The following EFNA5 variants were observed in gnomAD, a reference collection of about 807,000 sequenced individuals.
The protein encoded by EFNA5 is ephrin-A5.
A neutral mutation model predicts 22.9 loss-of-function variants in EFNA5; 5 were observed. The ratio of observed to expected loss-of-function variants is 0.22; its 90% CI spans 0.11 to 0.46. EFNA5 has a LOEUF of 0.46. Among genes scored for constraint, EFNA5 ranks in the 20% least tolerant of loss-of-function variants. The pLI, the probability that EFNA5 is intolerant of heterozygous loss-of-function variation, is 0.99. For missense variants in EFNA5, 237 were observed against 293.3 expected (o/e 0.81, Z 1.40); for synonymous variants, 113 against 112.2 (o/e 1.01, Z -0.04).
chr5:107,561,805 C>G lies in EFNA5; in HGVS notation c.125+108684G>C, dbSNP rs113837570. On this transcript the variant is annotated intron_variant, in intron 1 of 4. Transcript: ENST00000333274. Reference sequence around the variant, plus strand: ...GACATTAAGTTCTCCATAAAATATTCTCATCTAATACATTTCTAGTTTATA... The same window carrying G: ...GACATTAAGTTCTCCATAAAATATTGTCATCTAATACATTTCTAGTTTATA... 2.4e-3 allele frequency among the ~76,000 whole-genome samples: 363 copies of G among 152,288 alleles called. 2 individuals are homozygous for G. The highest frequency in any genetic ancestry group is 0.01 in the Middle Eastern group (3 of 294).
chr5:107,635,716 G>T (rs1274498423), intron 1 of EFNA5, among the ~76,000 whole-genome samples: 1 of 152,180 alleles, frequency 6.6e-6, no homozygotes, highest in Non-Finnish European at 1.5e-5. Flanking sequence ...GCCTCACAGT[G>T]AGAGGGTTCA....
intron 1 of EFNA5, among the ~76,000 whole-genome samples, chr5:107,511,546 A>G (rs752895488): frequency 1.3e-5 from 2 of 152,200 alleles, no homozygotes; most frequent in Non-Finnish European, 2.9e-5. Flanking sequence ...TAAAAAATAC[A>G]CTGATTTTGT....
At chr5:107,427,196 G>A (rs547396648) in intron 2 of EFNA5, 21 bp downstream of exon 2, 5 of 1,613,644 alleles carry the variant, frequency 3.1e-6, no homozygotes, top group South Asian at 1.1e-5. Context: ...CCTACAACAC[G>A]ATAAATCTCT....
At chr5:107,561,164 A>G (rs1369137182) in intron 1 of EFNA5, among the ~76,000 whole-genome samples, 1 of 152,178 alleles carries the variant, frequency 6.6e-6, no homozygotes, top group African/African-American at 2.4e-5. Flanking sequence ...TGCACAAGAC[A>G]ACTGAAACCT....
chr5:107,388,838 G>A (rs908498568), intron 2 of EFNA5, among the ~76,000 whole-genome samples: 1 of 152,146 alleles, frequency 6.6e-6, no homozygotes, highest in Non-Finnish European at 1.5e-5. Flanking sequence ...AAGAGGGATC[G>A]GCATTTGGTG....
Position 107,381,206 on chromosome 5 carries a change from G to C in EFNA5, c.*49C>G. On this transcript the variant is annotated 3_prime_UTR_variant, in exon 5 of 5. Coordinates refer to ENST00000333274, the MANE Select transcript of EFNA5 (RefSeq NM_001962.3). ...ATGAGCAGTTAGGTGGATCTCTGGTGTTCCAAGACCCTGATGTTTTCTGTG... is the reference window on the plus strand; with the variant it reads ...ATGAGCAGTTAGGTGGATCTCTGGTCTTCCAAGACCCTGATGTTTTCTGTG... The C allele has an allele frequency of 6.4e-7, 1 of 1,572,828 alleles. No individual in the cohort carries two copies. Among genetic ancestry groups the C allele is most frequent in the African/African-American group, 1.3e-5 (1 of 74,496 alleles).
At chr5:107,626,791 A>AT (rs987238078) in intron 1 of EFNA5, among the ~76,000 whole-genome samples, 7 of 152,134 alleles carry the variant, frequency 4.6e-5, no homozygotes, top group Admixed American at 3.9e-4. Flanking sequence ...TTTGGTTTTG[A>AT]TTTTTTTTAA....
At chr5:107,649,202 G>A (rs1561459826) in intron 1 of EFNA5, among the ~76,000 whole-genome samples, 2 of 152,056 alleles carry the variant, frequency 1.3e-5, no homozygotes, top group Non-Finnish European at 2.9e-5. Flanking sequence ...GAGTCCCAGA[G>A]CAATCGATGA....
At chr5:107,650,850 T>G (rs1156502725) in intron 1 of EFNA5, among the ~76,000 whole-genome samples, 1 of 152,176 alleles carries the variant, frequency 6.6e-6, no homozygotes, top group Non-Finnish European at 1.5e-5. Context: ...CCTAGCAATT[T>G]GGTTGTATAT....
intron 1 of EFNA5, among the ~76,000 whole-genome samples, chr5:107,471,995 G>C (rs1405729533): frequency 6.6e-6 from 1 of 152,182 alleles, no homozygotes; most frequent in Non-Finnish European, 1.5e-5. Context: ...GTTTCAAAGA[G>C]TGCAAATAGC....
intron 1 of EFNA5, among the ~76,000 whole-genome samples, chr5:107,477,331 A>G (rs143193831): frequency 1.5e-3 from 233 of 152,350 alleles, no homozygotes; most frequent in East Asian, 0.012. Context: ...AATCTTTTGA[A>G]TTAAGCAATC....
At chr5:107,414,141 A>G (rs934963756) in intron 2 of EFNA5, among the ~76,000 whole-genome samples, 1 of 152,184 alleles carries the variant, frequency 6.6e-6, no homozygotes, top group African/African-American at 2.4e-5. Flanking sequence ...AGATTCCTAC[A>G]TTGCAACCTC....
intron 1 of EFNA5, among the ~76,000 whole-genome samples, chr5:107,580,195 T>C (rs773113767): frequency 6.6e-6 from 1 of 152,228 alleles, no homozygotes; most frequent in Non-Finnish European, 1.5e-5. Flanking sequence ...ATATTAAAAG[T>C]TAAATATCTG....
intron 1 of EFNA5, among the ~76,000 whole-genome samples, chr5:107,626,891 C>T (rs1750152990): frequency 6.6e-6 from 1 of 152,086 alleles, no homozygotes; most frequent in Non-Finnish European, 1.5e-5. Flanking sequence ...ATGCCTAGAC[C>T]ACCCCAGACC....
At chr5:107,657,290 A>C (rs977309072) in intron 1 of EFNA5, among the ~76,000 whole-genome samples, 7 of 152,280 alleles carry the variant, frequency 4.6e-5, no homozygotes, top group Non-Finnish European at 1.0e-4. Flanking sequence ...TAAATTTAAC[A>C]ATCTTTGAAG....
At chr5:107,453,860 T>A (rs1749622227) in intron 1 of EFNA5, among the ~76,000 whole-genome samples, 1 of 152,088 alleles carries the variant, frequency 6.6e-6, no homozygotes, top group African/African-American at 2.4e-5. Flanking sequence ...CCTGACTAAT[T>A]GTCTCCCCTG....
intron 2 of EFNA5, among the ~76,000 whole-genome samples, chr5:107,404,240 T>C (rs931301088): frequency 6.6e-6 from 1 of 152,256 alleles, no homozygotes; most frequent in African/African-American, 2.4e-5. Flanking sequence ...TTGTAGTCAA[T>C]AAATCTGTTG....
At chr5:107,511,637 G>A (rs951551595) in intron 1 of EFNA5, among the ~76,000 whole-genome samples, 4 of 151,924 alleles carry the variant, frequency 2.6e-5, no homozygotes, top group Admixed American at 6.6e-5. Flanking sequence ...TTTTTTAAAA[G>A]TACAACAATC....
chr5:107,525,148 T>C (rs1035272463), intron 1 of EFNA5, among the ~76,000 whole-genome samples: 1 of 152,182 alleles, frequency 6.6e-6, no homozygotes. Context: ...CTGTTTCTTA[T>C]GTAAAAATGA....
Sources: allele counts gnomAD v4.1 joint callset (sites outside exome capture counted in the v4.1 genomes callset), GRCh38; gene constraint gnomAD v4.1.1; transcripts MANE v1.5; gene names NCBI Gene and HGNC (gene_info 2026-07-23, HGNC 2026-07-21).